The following RANBP2 variants were observed in gnomAD, a reference collection of about 807,000 sequenced individuals.
The protein encoded by RANBP2 is RAN binding protein 2, also known as E3 SUMO-protein ligase RanBP2.
RANBP2 carries 57 observed loss-of-function variants against 303.6 expected under a neutral mutation model. The observed-to-expected ratio is 0.19, with a 90% CI of 0.15 to 0.23. The LOEUF (loss-of-function observed/expected upper bound fraction) is 0.23, where lower values mean the gene tolerates loss of function less well. Ranked by LOEUF, RANBP2 falls within the 10% of genes least tolerant of loss-of-function variation. The probability of loss-of-function intolerance (pLI) is 1.00; values close to 1 mark genes in which losing one functional copy is unlikely to be tolerated. For synonymous variants in RANBP2, 1,167 were observed against 1,301.5 expected, an observed-to-expected ratio of 0.90 and a Z score of 2.23; for missense variants, 3,138 against 3,780.8, an observed-to-expected ratio of 0.83 and a Z score of 4.46.
chr2:108,851,582 C>T, the RANBP2 span, among the ~76,000 whole-genome samples: 132 of 152,042 alleles, frequency 8.7e-4, no homozygotes, highest in African/African-American at 3.0e-3. Flanking sequence ...ATATTACAGG[C>T]GTGAGCCACC....
the RANBP2 span, among the ~76,000 whole-genome samples, chr2:108,807,755 T>C: frequency 2.0e-5 from 3 of 152,186 alleles, no homozygotes; most frequent in African/African-American, 7.2e-5. Flanking sequence ...GTATCTGGGA[T>C]TACAGGCGCC....
the RANBP2 span, among the ~76,000 whole-genome samples, chr2:109,006,582 G>T: frequency 6.6e-6 from 1 of 152,196 alleles, no homozygotes; most frequent in African/African-American, 2.4e-5. Context: ...AGTCGTGGCA[G>T]CCCAAGGGAG....
the RANBP2 span, among the ~76,000 whole-genome samples, chr2:109,480,567 G>T: frequency 6.6e-6 from 1 of 152,210 alleles, no homozygotes; most frequent in Non-Finnish European, 1.5e-5. Context: ...TGTCACTCAG[G>T]AAGTCTCGCA....
the RANBP2 span, among the ~76,000 whole-genome samples, chr2:109,257,437 G>T: frequency 6.6e-6 from 1 of 152,026 alleles, no homozygotes; most frequent in Non-Finnish European, 1.5e-5. Flanking sequence ...GGAAGGGACG[G>T]AGGGAGGGAG....
chr2:108,798,591 C>CT, the RANBP2 span: 1 of 1,572,842 alleles, frequency 6.4e-7, no homozygotes, highest in Non-Finnish European at 8.7e-7. Flanking sequence ...AAAGAGGTAA[C>CT]TATATAGCCT....
At chr2:109,212,094 T>C in the RANBP2 span, among the ~76,000 whole-genome samples, 18 of 152,268 alleles carry the variant, frequency 1.2e-4, no homozygotes, top group African/African-American at 4.1e-4. Flanking sequence ...AGCTGGTGAA[T>C]GGGTGGTTGG....
chr2:109,571,851 A>T, the RANBP2 span, among the ~76,000 whole-genome samples: 7 of 152,206 alleles, frequency 4.6e-5, no homozygotes, highest in African/African-American at 1.7e-4. Context: ...TTTATTCCTG[A>T]AAATCCACTA....
chr2:109,207,109 G>A, the RANBP2 span, among the ~76,000 whole-genome samples: 5 of 152,188 alleles, frequency 3.3e-5, no homozygotes, highest in African/African-American at 1.2e-4. Flanking sequence ...AGGCAGATAG[G>A]GCTGTGTGTG....
rs761361026 is a variant in RANBP2, at chr2:108,775,866, C to T, written c.8427C>T (p.Ser2809=). The change falls in exon 24 of 29, where the codon TCC becomes TCT. Residue 2809 remains serine (S), a synonymous_variant. Coordinates refer to ENST00000283195, the MANE Select transcript of RANBP2 (RefSeq NM_006267.5). ...AATCCATTAGTTCACCATCTGTTTC[C>T]TCTGAAACTATGGACAAACCTGTAG... ...ITKSISSPSV[S]SETMDKPVDL... is the part of the protein sequence containing the mutation. The T allele has an allele frequency of 7.4e-6, 12 of 1,613,436 alleles. No individual in the cohort carries two copies. In the South Asian group the frequency reaches 1.1e-4, roughly 15 times the overall value.
At chr2:109,687,061 A>G in the RANBP2 span, among the ~76,000 whole-genome samples, 1 of 152,246 alleles carries the variant, frequency 6.6e-6, no homozygotes, top group Non-Finnish European at 1.5e-5. Flanking sequence ...TAAATGTTTT[A>G]TAAAAGATAT....
chr2:109,137,747 C>G, the RANBP2 span, among the ~76,000 whole-genome samples: 3 of 152,204 alleles, frequency 2.0e-5, no homozygotes, highest in Admixed American at 6.5e-5. Flanking sequence ...TAGACACCAC[C>G]CGTCCTGATC....
chr2:108,799,877 A>G, the RANBP2 span, among the ~76,000 whole-genome samples: 1 of 151,332 alleles, frequency 6.6e-6, no homozygotes, highest in Admixed American at 6.6e-5. Context: ...TTCTTTTTTA[A>G]TCTCCATGTT....
the RANBP2 span, among the ~76,000 whole-genome samples, chr2:109,632,425 C>G: frequency 9.5e-3 from 1,451 of 152,288 alleles, 63 homozygotes; most frequent in East Asian, 0.12. Flanking sequence ...GGCATCTGCA[C>G]CAGCTCCAGG....
At chr2:108,892,846 C>G in the RANBP2 span, among the ~76,000 whole-genome samples, 12 of 152,188 alleles carry the variant, frequency 7.9e-5, no homozygotes, top group Non-Finnish European at 1.5e-4. Context: ...TTTCCTGCCA[C>G]TTCTCTGTTG....
chr2:109,013,445 G>C, the RANBP2 span, among the ~76,000 whole-genome samples: 1 of 152,218 alleles, frequency 6.6e-6, no homozygotes, highest in Non-Finnish European at 1.5e-5. Context: ...AGGCATCAGT[G>C]CACTTGGGTT....
the RANBP2 span, among the ~76,000 whole-genome samples, chr2:109,247,608 G>A: frequency 6.6e-6 from 1 of 152,224 alleles, no homozygotes; most frequent in African/African-American, 2.4e-5. Context: ...GTAAACAAAG[G>A]TGTGAGTGTC....
chr2:108,991,988 CAG>C, the RANBP2 span, among the ~76,000 whole-genome samples: 1 of 152,058 alleles, frequency 6.6e-6, no homozygotes, highest in African/African-American at 2.4e-5. Flanking sequence ...TTAGTAGAGA[CAG>C]AGTTTCACCA....
the RANBP2 span, among the ~76,000 whole-genome samples, chr2:109,379,964 C>T: frequency 6.6e-6 from 1 of 152,282 alleles, no homozygotes; most frequent in East Asian, 1.9e-4. Context: ...TTGCCTTCAC[C>T]AGTAACCCAC....
chr2:109,586,735 AAGAGTCTCCT>A, the RANBP2 span, among the ~76,000 whole-genome samples: 1 of 152,166 alleles, frequency 6.6e-6, no homozygotes, highest in Non-Finnish European at 1.5e-5. Flanking sequence ...CTGTAAGTTA[AAGAGTCTCCT>A]GTAAACACCC....
Sources: allele counts gnomAD v4.1 joint callset (sites outside exome capture counted in the v4.1 genomes callset), GRCh38; gene constraint gnomAD v4.1.1; transcripts MANE v1.5; gene names NCBI Gene and HGNC (gene_info 2026-07-23, HGNC 2026-07-21).